CPE: variants seen among roughly 807,000 people sequenced by gnomAD.
CPE encodes the protein carboxypeptidase E, also known as carbocypeptidase E.
In CPE, 17 loss-of-function variants were observed where a neutral mutation model predicts 53.5. That is an observed-to-expected ratio of 0.32 (90% CI 0.22 to 0.48). The LOEUF is 0.48. Among genes scored for constraint, CPE ranks in the 20% least tolerant of loss-of-function variants. The probability of loss-of-function intolerance (pLI) is 0.99; values close to 1 mark genes in which losing one functional copy is unlikely to be tolerated. For synonymous variants in CPE, 226 were observed against 228.8 expected, an observed-to-expected ratio of 0.99 and a Z score of 0.11; for missense variants, 524 against 614.7, an observed-to-expected ratio of 0.85 and a Z score of 1.56.
chr4:165,405,874 C>A, intron 1 of CPE: 2 of 740,158 alleles, frequency 2.7e-6, no homozygotes. Flanking sequence ...TACTGTTTTT[C>A]TGTCTTTTGT....
chr4:165,420,966 C>T (rs115213592), intron 1 of CPE, among the ~76,000 whole-genome samples: 2,814 of 152,126 alleles, frequency 0.018, 82 homozygotes, highest in African/African-American at 0.063. Context: ...GAAATTGGCC[C>T]GTACTTCTCT....
chr4:165,436,711 C>T (rs1389841231), intron 1 of CPE, among the ~76,000 whole-genome samples: 1 of 152,042 alleles, frequency 6.6e-6, no homozygotes, highest in Non-Finnish European at 1.5e-5. Flanking sequence ...GCTATATTGC[C>T]CAGGTTTGTC....
intron 3 of CPE, among the ~76,000 whole-genome samples, chr4:165,474,605 C>T (rs1416571136): frequency 1.3e-5 from 2 of 152,230 alleles, no homozygotes; most frequent in East Asian, 3.9e-4. Context: ...CAATTACCCA[C>T]TTGAGAACAG....
At chr4:165,426,282 A>G (rs1467114245) in intron 1 of CPE, among the ~76,000 whole-genome samples, 3 of 152,246 alleles carry the variant, frequency 2.0e-5, no homozygotes, top group African/African-American at 4.8e-5. Context: ...TTTTTACTGA[A>G]TTATAGTTTA....
intron 1 of CPE, among the ~76,000 whole-genome samples, chr4:165,440,175 C>T (rs1731583360): frequency 6.6e-6 from 1 of 152,130 alleles, no homozygotes; most frequent in Admixed American, 6.6e-5. Flanking sequence ...ACATGCCGCT[C>T]CTGCTGTGAA....
intron 3 of CPE, among the ~76,000 whole-genome samples, chr4:165,476,813 T>C (rs1051797054): frequency 6.6e-6 from 1 of 152,168 alleles, no homozygotes; most frequent in African/African-American, 2.4e-5. Context: ...TGACTTAAGC[T>C]TTCCTGCTTC....
At chr4:165,454,313 C>T (rs771307839) in intron 1 of CPE, among the ~76,000 whole-genome samples, 12 of 152,216 alleles carry the variant, frequency 7.9e-5, no homozygotes, top group Admixed American at 2.6e-4. Flanking sequence ...CTACTCCTTC[C>T]GAAACCAGTG....
intron 1 of CPE, among the ~76,000 whole-genome samples, chr4:165,387,385 A>ACAT (rs1302571046): frequency 2.0e-5 from 3 of 152,354 alleles, no homozygotes; most frequent in African/African-American, 7.2e-5. Flanking sequence ...TCATTGCTAA[A>ACAT]CATCATAGTT....
chr4:165,429,882 T>C (rs537128453), intron 1 of CPE, among the ~76,000 whole-genome samples: 1 of 152,280 alleles, frequency 6.6e-6, no homozygotes, highest in South Asian at 2.1e-4. Context: ...GCTGTATAGA[T>C]GACTAACAGG....
chr4:165,467,964 G>T lies in CPE; in HGVS notation c.672+109G>T, dbSNP rs966215766. On this transcript the variant is annotated intron_variant, in intron 3 of 8. Coordinates refer to ENST00000402744, the MANE Select transcript of CPE (RefSeq NM_001873.4). ...AGGAGTAACATCACAGCTTGTATGG[G>T]GTGGTTAACTGTGGCTTTAAGTCAA... 68 of 1,250,618 alleles carry T rather than the reference G, an allele frequency of 5.4e-5. No individual in the cohort carries two copies. The Middle Eastern group carries it at 1.9e-3, about 36-fold the overall frequency. The allele number at this position is 1,250,618 out of a possible 1,614,324, so 77.5% of individuals were successfully genotyped here.
intron 4 of CPE, among the ~76,000 whole-genome samples, chr4:165,483,876 A>T (rs1224511717): frequency 6.6e-6 from 1 of 152,206 alleles, no homozygotes; most frequent in Non-Finnish European, 1.5e-5. Context: ...GGGAAATAAC[A>T]TTGTTAAATA....
chr4:165,492,605 C>T (rs1425168564), intron 6 of CPE, among the ~76,000 whole-genome samples: 1 of 152,064 alleles, frequency 6.6e-6, no homozygotes, highest in East Asian at 1.9e-4. Context: ...TAAGGGGGAC[C>T]GCATGAGAGG....
chr4:165,440,461 C>G lies in CPE; in HGVS notation c.308-23929C>G, dbSNP rs930413358. Among the ~76,000 whole-genome samples, 21 of 141,406 alleles carry G rather than the reference C, an allele frequency of 1.5e-4. 2 individuals are homozygous for G. Among genetic ancestry groups the G allele is most frequent in the African/African-American group, 2.3e-4 (8 of 35,020 alleles). 92.8% of individuals were successfully genotyped at this position (141,406 alleles called of 152,430 possible). On this transcript the variant is annotated intron_variant, in intron 1 of 8. Coordinates refer to ENST00000402744, the MANE Select transcript of CPE (RefSeq NM_001873.4). ...TGCTGCTCTCACAACCCCACCCCCC[C>G]CCACACACACAAGCTGTGGTTTCTG...
At chr4:165,416,820 T>C (rs950372211) in intron 1 of CPE, among the ~76,000 whole-genome samples, 1 of 151,858 alleles carries the variant, frequency 6.6e-6, no homozygotes, top group African/African-American at 2.4e-5. Flanking sequence ...CCAGGGACCT[T>C]CTCTGTCTCT....
intron 1 of CPE, chr4:165,404,511 G>T: frequency 1.2e-6 from 1 of 821,978 alleles, no homozygotes; most frequent in South Asian, 1.3e-5. Flanking sequence ...AGTAGTTCTG[G>T]GTTTCCACCT....
intron 1 of CPE, chr4:165,404,773 G>A (rs570643903): frequency 1.0e-5 from 8 of 778,346 alleles, no homozygotes; most frequent in African/African-American, 3.4e-5. Flanking sequence ...GCTTGAGACC[G>A]ATTGCTACAG....
chr4:165,420,238 A>G (rs1208589165), intron 1 of CPE, among the ~76,000 whole-genome samples: 2 of 152,172 alleles, frequency 1.3e-5, no homozygotes, highest in African/African-American at 4.8e-5. Flanking sequence ...ATTCTGAGTG[A>G]AAATGCACCA....
At chr4:165,483,123 A>G (rs1732444424) in intron 4 of CPE, among the ~76,000 whole-genome samples, 1 of 151,824 alleles carries the variant, frequency 6.6e-6, no homozygotes, top group Admixed American at 6.6e-5. Flanking sequence ...CTCAATAGGT[A>G]ATTTTTCACC....
intron 2 of CPE, 151 bp downstream of exon 2, chr4:165,464,737 T>A: frequency 1.7e-6 from 1 of 586,588 alleles, no homozygotes; most frequent in African/African-American, 1.9e-5. Context: ...AACTCACCAG[T>A]AAGAAAATAG....
Sources: gnomAD v4.1 joint callset for allele counts (sites outside exome capture counted in the v4.1 genomes callset) on GRCh38, gnomAD v4.1.1 for gene constraint, MANE v1.5 for transcripts, NCBI Gene and HGNC (gene_info 2026-07-23, HGNC 2026-07-21) for gene names.